The following MGAT5B variants were observed in gnomAD, a reference collection of about 807,000 sequenced individuals.
MGAT5B encodes alpha-1,6-mannosylglycoprotein 6-beta-N-acetylglucosaminyltransferase B, also known as N-acetylglucosaminyl-transferase Vb.
A neutral mutation model predicts 95.1 loss-of-function variants in MGAT5B; 54 were observed. The observed-to-expected ratio is 0.57, with a 90% CI of 0.46 to 0.71. The LOEUF (loss-of-function observed/expected upper bound fraction) is 0.71, where lower values mean the gene tolerates loss of function less well. MGAT5B is among the 30% of genes least tolerant of loss of function. The pLI is 0.00. For missense variants in MGAT5B, 935 were observed against 1,088.6 expected, an observed-to-expected ratio of 0.86 and a Z score of 1.99; for synonymous variants, 464 against 451.0, an observed-to-expected ratio of 1.03 and a Z score of -0.36.
intron 6 of MGAT5B, among the ~76,000 whole-genome samples, chr17:76,904,915 C>T (rs531381900): frequency 6.6e-6 from 1 of 152,222 alleles, no homozygotes. Context: ...GGCTGGGAAC[C>T]TGGAAACTGC....
In MGAT5B at chr17:76,914,575, G is replaced by C. The variant is rs1968859294; in HGVS notation, c.1025+8388G>C. Among the ~76,000 whole-genome samples, 1 of 152,002 alleles carries C rather than the reference G, an allele frequency of 6.6e-6. No homozygotes were observed. Among genetic ancestry groups the C allele is most frequent in the Non-Finnish European group, 1.5e-5 (1 of 68,012 alleles). ...CGCAGGTGTTCTTAGAGGGGTAGAT[G>C]GTGTTCTCCCTACGTCCACATCTCT... On this transcript the variant is annotated intron_variant, in intron 8 of 17. Coordinates refer to ENST00000569840, the MANE Select transcript of MGAT5B (RefSeq NM_001199172.2). This position sits in a 1 kb window ranked among gnomAD's most constrained non-coding sequence, Gnocchi z 5.1.
Position 76,949,696 on chromosome 17 carries a change from G to C in MGAT5B, c.*858G>C, listed in dbSNP as rs114568339. 1 of 152,284 alleles carries C rather than the reference G, an allele frequency of 6.6e-6. No homozygotes were observed. Among genetic ancestry groups the C allele is most frequent in the African/African-American group, 2.4e-5 (1 of 41,550 alleles). The allele number at this position is 152,284 out of a possible 1,614,324, so 9.4% of individuals were successfully genotyped here. On this transcript the variant is annotated 3_prime_UTR_variant, in exon 18 of 18. Transcript: ENST00000569840. ...CAATCCCTACCCCCTCCAAGGGGCAGGTTTCCAGTCCAGCCTCAGAGATCA... is the reference window on the plus strand; with the variant it reads ...CAATCCCTACCCCCTCCAAGGGGCACGTTTCCAGTCCAGCCTCAGAGATCA...
intron 1 of MGAT5B, among the ~76,000 whole-genome samples, chr17:76,872,220 C>T (rs1568159369): frequency 6.6e-6 from 1 of 152,138 alleles, no homozygotes; most frequent in Non-Finnish European, 1.5e-5. Context: ...CCGTGTGGCT[C>T]TGCCCTGGAC....
At chr17:76,923,248 G>A (rs1320314091) in intron 8 of MGAT5B, among the ~76,000 whole-genome samples, 1 of 152,162 alleles carries the variant, frequency 6.6e-6, no homozygotes, top group African/African-American at 2.4e-5. Context: ...CCAGGAAACT[G>A]ACCAATCCTG....
intron 1 of MGAT5B, among the ~76,000 whole-genome samples, chr17:76,871,789 G>A (rs1243981742): frequency 6.6e-6 from 1 of 152,096 alleles, no homozygotes; most frequent in Non-Finnish European, 1.5e-5. Context: ...TGGTGGGAGG[G>A]CGCCCCTCTC....
chr17:76,922,511 A>T (rs148346687), intron 8 of MGAT5B, among the ~76,000 whole-genome samples: 44 of 152,346 alleles, frequency 2.9e-4, no homozygotes, highest in African/African-American at 1.1e-3. Context: ...CACAGGAAAC[A>T]ACAGGGATGT....
chr17:76,939,032 GTGT>G lies in MGAT5B; in HGVS notation c.1584+890_1584+892del, dbSNP rs1567824667. Reference sequence around the variant, plus strand: ...TTGTTTCCCAAGGCATCTTGGGGGTGTGTGTGTGTGTGTGTGTGTGTGTGTGTG... The same window carrying G: ...TTGTTTCCCAAGGCATCTTGGGGGTGGTGTGTGTGTGTGTGTGTGTGTGTG... On this transcript the variant is annotated intron_variant, in intron 13 of 17. Transcript: ENST00000569840. Among the ~76,000 whole-genome samples, 218 of 50,038 alleles carry G rather than the reference GTGT, an allele frequency of 4.4e-3. 2 individuals carry two copies. The highest frequency in any genetic ancestry group is 0.016 in the East Asian group (19 of 1,194). 32.8% of individuals were successfully genotyped at this position (50,038 alleles called of 152,430 possible).
rs1206586519 is a variant in MGAT5B, at chr17:76,918,130, T to TG, written c.1026-6833dup. 6.6e-6 allele frequency among the ~76,000 whole-genome samples: 1 copy of TG among 152,220 alleles called. No individual in the cohort carries two copies. The highest frequency in any genetic ancestry group is 2.4e-5 in the African/African-American group (1 of 41,460). Reference sequence around the variant, plus strand: ...CCAGCTTTGGACGCCAGCCCCACTTTGGGTCTGCAGTGTTGAGGATACGCT... The same window carrying TG: ...CCAGCTTTGGACGCCAGCCCCACTTTGGGGTCTGCAGTGTTGAGGATACGCT... On this transcript the variant is annotated intron_variant, in intron 8 of 17. Transcript: ENST00000569840. This position sits in a 1 kb window ranked among gnomAD's most constrained non-coding sequence, Gnocchi z 5.1.
chr17:76,940,754 C>T lies in MGAT5B; in HGVS notation c.1754C>T (p.Ala585Val), dbSNP rs199872537. 117 of 1,614,088 alleles carry T rather than the reference C, an allele frequency of 7.2e-5. No individual in the cohort carries two copies. Among genetic ancestry groups the T allele is most frequent in the Middle Eastern group, 1.6e-4 (1 of 6,062 alleles). Reference sequence around the variant, plus strand: ...CAGGTGTTCTCCCAGCATCCCTACGCGGAGAACTTCATCGGCAAGCCCCAC... The same window carrying T: ...CAGGTGTTCTCCCAGCATCCCTACGTGGAGAACTTCATCGGCAAGCCCCAC... ...SREVFSQHPY[A>V]ENFIGKPHVW... is the part of the protein sequence containing the mutation. Residue 585 changes from alanine to valine, a missense_variant, in exon 15 of 18, where the codon GCG (alanine) becomes GTG (valine). This residue lies in a region of MGAT5B where 440 missense variants were observed against 523.6 expected (regional missense o/e 0.84). Transcript: ENST00000569840. This position sits in a 1 kb window ranked among gnomAD's most constrained non-coding sequence, Gnocchi z 4.3.
At chr17:76,926,820 C>T (rs1412726518) in intron 10 of MGAT5B, 90 bp downstream of exon 10, 2 of 1,476,244 alleles carry the variant, frequency 1.4e-6, no homozygotes, top group East Asian at 2.3e-5. Flanking sequence ...CTCGCTCCTC[C>T]CTCTCTTTCC....
chr17:76,873,824 C>T (rs949345580), intron 2 of MGAT5B, among the ~76,000 whole-genome samples: 5 of 152,168 alleles, frequency 3.3e-5, no homozygotes, highest in South Asian at 2.1e-4. Flanking sequence ...TGGAACTGTT[C>T]GAGGGTTGGC....
intron 3 of MGAT5B, among the ~76,000 whole-genome samples, chr17:76,896,894 G>T (rs1598920661): frequency 1.3e-5 from 2 of 152,220 alleles, no homozygotes; most frequent in South Asian, 2.1e-4. Flanking sequence ...GACAGCAGGA[G>T]CATCCAGGAG....
chr17:76,875,874 A>G (rs1429807764), intron 2 of MGAT5B, among the ~76,000 whole-genome samples: 1 of 151,988 alleles, frequency 6.6e-6, no homozygotes, highest in Non-Finnish European at 1.5e-5. Flanking sequence ...GTGTTGTAAC[A>G]TTAGTTCTCA....
At chr17:76,933,169 G>T in intron 11 of MGAT5B, 123 bp from the exon 12 acceptor site, 1 of 1,185,278 alleles carries the variant, frequency 8.4e-7, no homozygotes, top group Non-Finnish European at 1.2e-6. Context: ...TTAGAGATTA[G>T]AACCCCATCT....
At chr17:76,876,930 T>C (rs922028121) in intron 2 of MGAT5B, among the ~76,000 whole-genome samples, 23 of 152,178 alleles carry the variant, frequency 1.5e-4, no homozygotes, top group Admixed American at 8.5e-4. Flanking sequence ...GTCCTCCTCC[T>C]GTTTCCTGCC....
intron 2 of MGAT5B, 142 bp downstream of exon 2, chr17:76,873,105 C>T (rs966092173): frequency 2.8e-5 from 25 of 889,102 alleles, no homozygotes; most frequent in African/African-American, 1.3e-4. Flanking sequence ...GGGCTTGGGC[C>T]GTATGACCCT....
intron 10 of MGAT5B, among the ~76,000 whole-genome samples, chr17:76,931,865 G>A (rs1210439098): frequency 6.6e-6 from 1 of 152,144 alleles, no homozygotes; most frequent in African/African-American, 2.4e-5. Context: ...CAGGTGGAGG[G>A]CGAAAAGATG....
At chr17:76,908,947 C>T (rs1018865318) in intron 8 of MGAT5B, among the ~76,000 whole-genome samples, 24 of 152,056 alleles carry the variant, frequency 1.6e-4, no homozygotes, top group African/African-American at 5.8e-4. Context: ...GCTGGGATTA[C>T]AGGCGGGTGC....
At chr17:76,929,338 C>T (rs1969413376) in intron 10 of MGAT5B, among the ~76,000 whole-genome samples, 1 of 152,192 alleles carries the variant, frequency 6.6e-6, no homozygotes, top group Admixed American at 6.5e-5. Context: ...ATTTCCAGAC[C>T]TGGCAAACTC....
Sources: gnomAD v4.1 joint callset for allele counts (sites outside exome capture counted in the v4.1 genomes callset) on GRCh38, gnomAD v4.1.1 for gene constraint, gnomAD v4.1.1 regional missense constraint, Gnocchi (gnomAD v3.1) non-coding constraint, MANE v1.5 for transcripts, NCBI Gene and HGNC (gene_info 2026-07-23, HGNC 2026-07-21) for gene names.